Variants in FRAS1 observed in about 807,000 individuals in gnomAD.
The protein encoded by FRAS1 is Fraser extracellular matrix complex subunit 1, also known as extracellular matrix organizing protein FRAS1.
FRAS1 carries 290 observed loss-of-function variants against 435.2 expected under a neutral mutation model. The ratio of observed to expected loss-of-function variants is 0.67; its 90% CI spans 0.61 to 0.73. FRAS1 has a LOEUF of 0.73. Ranked by LOEUF, FRAS1 falls within the 30% of genes least tolerant of loss-of-function variation. FRAS1 has a pLI of 0.00. For synonymous variants in FRAS1, 1,800 were observed against 1,851.0 expected, an observed-to-expected ratio of 0.97 and a Z score of 0.71; for missense variants, 4,860 against 5,001.5, an observed-to-expected ratio of 0.97 and a Z score of 0.85.
At chr4:78,490,651 G>A (rs551060115) in intron 59 of FRAS1, among the ~76,000 whole-genome samples, 7 of 152,170 alleles carry the variant, frequency 4.6e-5, no homozygotes, top group Non-Finnish European at 8.8e-5. Flanking sequence ...CACAGCTAAA[G>A]CAATGTTTAG....
In FRAS1 at chr4:78,208,100, A is replaced by G. The variant is rs1470585748; in HGVS notation, c.109-29410A>G. 2.0e-5 allele frequency among the ~76,000 whole-genome samples: 3 copies of G among 152,236 alleles called. No individual in the cohort carries two copies. The East Asian group carries it at 5.8e-4, about 29-fold the overall frequency. ...TGGTATCCACAGCTGAGAGACCTAC[A>G]GACGGTTCATATCACAGGATTCTGT... is the stretch of plus-strand genomic sequence containing the variant. On this transcript the variant is annotated intron_variant, in intron 2 of 73. Coordinates refer to ENST00000512123, the MANE Select transcript of FRAS1 (RefSeq NM_025074.7).
intron 18 of FRAS1, among the ~76,000 whole-genome samples, chr4:78,326,255 A>G (rs965038077): frequency 6.6e-6 from 1 of 152,192 alleles, no homozygotes; most frequent in Non-Finnish European, 1.5e-5. Flanking sequence ...GAAGATCCTT[A>G]TTAAGGGGCT....
chr4:78,119,844 G>T (rs769440844), intron 2 of FRAS1, among the ~76,000 whole-genome samples: 1 of 152,196 alleles, frequency 6.6e-6, no homozygotes, highest in Non-Finnish European at 1.5e-5. Context: ...CCACTTTGGA[G>T]AACATTACTA....
At chr4:78,302,525 C>T (rs1426335837) in intron 14 of FRAS1, among the ~76,000 whole-genome samples, 1 of 152,112 alleles carries the variant, frequency 6.6e-6, no homozygotes, top group African/African-American at 2.4e-5. Context: ...CTGTTGTTTC[C>T]TGACTTTTAA....
At chr4:78,369,123 C>T (rs903613207) in intron 22 of FRAS1, among the ~76,000 whole-genome samples, 7 of 152,160 alleles carry the variant, frequency 4.6e-5, no homozygotes, top group African/African-American at 1.4e-4. Context: ...TGGAAAAAAG[C>T]AAAAAGTTCT....
At chr4:78,177,544 G>A (rs1208090193) in intron 2 of FRAS1, among the ~76,000 whole-genome samples, 6 of 152,166 alleles carry the variant, frequency 3.9e-5, no homozygotes, top group Non-Finnish European at 8.8e-5. Context: ...CTCTCATTGA[G>A]TTAAAGCAAA....
chr4:78,114,981 C>G (rs1743046138), intron 2 of FRAS1, among the ~76,000 whole-genome samples: 1 of 151,970 alleles, frequency 6.6e-6, no homozygotes. Flanking sequence ...ATAGATGGCT[C>G]TTATTATTTT....
intron 2 of FRAS1, among the ~76,000 whole-genome samples, chr4:78,135,745 G>A (rs1049217530): frequency 2.6e-5 from 4 of 152,206 alleles, no homozygotes; most frequent in African/African-American, 9.7e-5. Flanking sequence ...TGGTTGGGCA[G>A]ATTGTACACT....
intron 70 of FRAS1, among the ~76,000 whole-genome samples, chr4:78,531,574 C>G (rs115111825): frequency 0.14 from 21,252 of 152,164 alleles, 1,787 homozygotes; most frequent in Non-Finnish European, 0.2. Flanking sequence ...TATCGTAGGC[C>G]TTTTCTTCCT....
chr4:78,184,408 C>A (rs1475493439), intron 2 of FRAS1, among the ~76,000 whole-genome samples: 2 of 151,984 alleles, frequency 1.3e-5, no homozygotes, highest in Admixed American at 1.3e-4. Context: ...TCATGTGATA[C>A]AAAATATTTT....
intron 2 of FRAS1, among the ~76,000 whole-genome samples, chr4:78,116,070 C>T (rs1431562146): frequency 6.6e-6 from 1 of 152,120 alleles, no homozygotes; most frequent in Non-Finnish European, 1.5e-5. Flanking sequence ...TTTATTTCTG[C>T]CTTCATTTCA....
At chr4:78,189,640 G>C (rs747194826) in intron 2 of FRAS1, among the ~76,000 whole-genome samples, 1 of 152,180 alleles carries the variant, frequency 6.6e-6, no homozygotes, top group East Asian at 1.9e-4. Flanking sequence ...GTTCTCATTC[G>C]GCTCTATGGT....
intron 20 of FRAS1, among the ~76,000 whole-genome samples, chr4:78,362,441 A>G (rs345546): frequency 0.62 from 94,789 of 152,102 alleles, 30,139 homozygotes; most frequent in Non-Finnish European, 0.67. Flanking sequence ...GAAAGCATGT[A>G]TGTTAGTGAG....
chr4:78,472,153 A>G, intron 51 of FRAS1, 27 bp from the exon 52 acceptor site: 2 of 1,612,374 alleles, frequency 1.2e-6, no homozygotes, highest in African/African-American at 1.3e-5. Flanking sequence ...CACCTCAGGA[A>G]TTAAATTAAA....
rs570808042 is a variant in FRAS1, at chr4:78,193,874, C to A, written c.109-43636C>A. Among the ~76,000 whole-genome samples, 6 of 152,306 alleles carry A rather than the reference C, an allele frequency of 3.9e-5. 1 individual carries two copies. The East Asian group carries it at 1.2e-3, about 29-fold the overall frequency. ...GCAGTTTCTTCCTAGCCTCGATGGT[C>A]TTTACAATTTGGCATGTTTTTGCAG... On this transcript the variant is annotated intron_variant, in intron 2 of 73. Transcript: ENST00000512123.
chr4:78,405,017 C>G lies in FRAS1; in HGVS notation c.4130-2646C>G, dbSNP rs574821824. Among the ~76,000 whole-genome samples, 23 of 152,278 alleles carry G rather than the reference C, an allele frequency of 1.5e-4. No homozygotes were observed. The East Asian group carries it at 4.0e-3, about 27-fold the overall frequency. ...AGCTGCATGTGGCCTAGCTTTGAATCCCTCCATTCCTGAAGGGCCTACCAC... is the reference window on the plus strand; with the variant it reads ...AGCTGCATGTGGCCTAGCTTTGAATGCCTCCATTCCTGAAGGGCCTACCAC... On this transcript the variant is annotated intron_variant, in intron 30 of 73. Coordinates refer to ENST00000512123, the MANE Select transcript of FRAS1 (RefSeq NM_025074.7).
chr4:78,273,798 G>C (rs2110166421), intron 9 of FRAS1, among the ~76,000 whole-genome samples: 1 of 152,244 alleles, frequency 6.6e-6, no homozygotes. Flanking sequence ...GTCTCTGCCA[G>C]GCTTTGGTAT....
intron 32 of FRAS1, among the ~76,000 whole-genome samples, chr4:78,413,463 T>C (rs759796031): frequency 6.6e-6 from 1 of 152,204 alleles, no homozygotes; most frequent in African/African-American, 2.4e-5. Flanking sequence ...TATTATTCCA[T>C]CTTCTAGAAG....
intron 2 of FRAS1, among the ~76,000 whole-genome samples, chr4:78,223,774 A>G (rs1036825463): frequency 3.9e-5 from 6 of 152,182 alleles, no homozygotes; most frequent in African/African-American, 1.4e-4. Context: ...TCTCTGACTT[A>G]GAAATTAGAT....
Sources: gnomAD v4.1 joint callset for allele counts (sites outside exome capture counted in the v4.1 genomes callset) on GRCh38, gnomAD v4.1.1 for gene constraint, MANE v1.5 for transcripts, NCBI Gene and HGNC (gene_info 2026-07-23, HGNC 2026-07-21) for gene names.